SGCZ: variants seen among roughly 807,000 people sequenced by gnomAD.
SGCZ encodes sarcoglycan zeta.
Under a neutral mutation model 41.3 loss-of-function variants are expected in SGCZ, and 40 were observed. The ratio of observed to expected loss-of-function variants is 0.97; its 90% CI spans 0.75 to 1.26. The LOEUF (loss-of-function observed/expected upper bound fraction) is 1.26. Ranked by LOEUF, SGCZ falls within the 50% of genes most tolerant of loss-of-function variation. The pLI is 0.00. For synonymous variants in SGCZ, 206 were observed against 137.5 expected (o/e 1.50, Z -3.49); for missense variants, 552 against 369.8 (o/e 1.49, Z -4.04).
chr8:14,500,512 T>A (rs1802120316), intron 2 of SGCZ, among the ~76,000 whole-genome samples: 1 of 151,924 alleles, frequency 6.6e-6, no homozygotes, highest in African/African-American at 2.4e-5. Flanking sequence ...GTAGACAAAA[T>A]GGTTCTGCAA....
chr8:14,275,141 A>G (rs1327338940), intron 3 of SGCZ, among the ~76,000 whole-genome samples: 1 of 152,170 alleles, frequency 6.6e-6, no homozygotes, highest in Non-Finnish European at 1.5e-5. Flanking sequence ...CAGAGCCGAA[A>G]GCCAGGTCTC....
At chr8:15,047,546 A>T (rs958855361) in intron 1 of SGCZ, among the ~76,000 whole-genome samples, 3 of 152,044 alleles carry the variant, frequency 2.0e-5, no homozygotes, top group African/African-American at 7.2e-5. Flanking sequence ...CTACTACAAC[A>T]TAATACAAAA....
At chr8:14,111,353 T>A (rs1371978268) in intron 5 of SGCZ, among the ~76,000 whole-genome samples, 1 of 152,122 alleles carries the variant, frequency 6.6e-6, no homozygotes, top group Non-Finnish European at 1.5e-5. Flanking sequence ...ATTTGTTTGG[T>A]ACATAAGGAC....
chr8:15,133,124 C>G (rs1424598904), intron 1 of SGCZ, among the ~76,000 whole-genome samples: 1 of 151,970 alleles, frequency 6.6e-6, no homozygotes, highest in Non-Finnish European at 1.5e-5. Flanking sequence ...GCCTCAGAGA[C>G]AGAGTGATAC....
chr8:14,892,924 C>A (rs1805066780), intron 1 of SGCZ, among the ~76,000 whole-genome samples: 1 of 152,124 alleles, frequency 6.6e-6, no homozygotes, highest in Non-Finnish European at 1.5e-5. Flanking sequence ...GAAGTTTGCA[C>A]ACCAGAAACA....
intron 1 of SGCZ, among the ~76,000 whole-genome samples, chr8:15,111,437 A>G (rs747124403): frequency 1.3e-5 from 2 of 152,074 alleles, no homozygotes; most frequent in Non-Finnish European, 2.9e-5. Context: ...TTGGCCAAGG[A>G]CCAATTCACT....
intron 1 of SGCZ, among the ~76,000 whole-genome samples, chr8:14,702,992 GATTT>G (rs1368764245): frequency 7.2e-5 from 11 of 151,734 alleles, no homozygotes; most frequent in African/African-American, 2.7e-4. Context: ...CAGACAGATA[GATTT>G]ATTTGAACAA....
intron 1 of SGCZ, among the ~76,000 whole-genome samples, chr8:14,915,886 T>C (rs923444282): frequency 2.6e-5 from 4 of 152,188 alleles, no homozygotes; most frequent in Non-Finnish European, 4.4e-5. Flanking sequence ...TGACAGACAA[T>C]GAAACCCAGG....
chr8:14,428,486 T>C (rs576586135), intron 2 of SGCZ, among the ~76,000 whole-genome samples: 14 of 152,298 alleles, frequency 9.2e-5, no homozygotes, highest in African/African-American at 2.2e-4. Context: ...TATTTTTAAA[T>C]GTGAAAAGAA....
At chr8:15,208,974 G>T (rs1257245954) in intron 1 of SGCZ, among the ~76,000 whole-genome samples, 2 of 151,710 alleles carry the variant, frequency 1.3e-5, no homozygotes, top group African/African-American at 4.8e-5. Flanking sequence ...ATAAATTACT[G>T]CATTTGTTAT....
intron 1 of SGCZ, among the ~76,000 whole-genome samples, chr8:14,938,525 A>G (rs1177439587): frequency 1.3e-5 from 2 of 152,184 alleles, no homozygotes; most frequent in African/African-American, 2.4e-5. Flanking sequence ...TTACTTTATT[A>G]TAAGAACACA....
chr8:15,208,506 A>G (rs1418777805), intron 1 of SGCZ, among the ~76,000 whole-genome samples: 1 of 152,214 alleles, frequency 6.6e-6, no homozygotes. Context: ...CAAACACAGT[A>G]TTACAAAAAT....
At chr8:14,306,241 AT>A (rs1398863514) in intron 3 of SGCZ, among the ~76,000 whole-genome samples, 12 of 152,204 alleles carry the variant, frequency 7.9e-5, no homozygotes, top group African/African-American at 2.9e-4. Flanking sequence ...TTAAAGCAAA[AT>A]ATTAAATTCA....
At chr8:14,291,789 T>C (rs1585327019) in intron 3 of SGCZ, among the ~76,000 whole-genome samples, 1 of 152,134 alleles carries the variant, frequency 6.6e-6, no homozygotes, top group African/African-American at 2.4e-5. Flanking sequence ...TAAAGAAAAC[T>C]TGGGTACAGG....
At chr8:15,094,343 C>T (rs1806257886) in intron 1 of SGCZ, among the ~76,000 whole-genome samples, 1 of 152,054 alleles carries the variant, frequency 6.6e-6, no homozygotes, top group Non-Finnish European at 1.5e-5. Context: ...CCATGTTGGC[C>T]AGGCTGATCT....
At chr8:14,138,917 C>T (rs1319516520) in intron 5 of SGCZ, among the ~76,000 whole-genome samples, 1 of 152,250 alleles carries the variant, frequency 6.6e-6, no homozygotes, top group African/African-American at 2.4e-5. Context: ...CGCACTTATT[C>T]CAAAACTGAC....
chr8:14,613,568 T>C (rs906233161), intron 1 of SGCZ, among the ~76,000 whole-genome samples: 1 of 152,186 alleles, frequency 6.6e-6, no homozygotes, highest in African/African-American at 2.4e-5. Flanking sequence ...AAATTCTTTC[T>C]TCCTATGCTC....
At chr8:14,738,697 G>C (rs944044702) in intron 1 of SGCZ, among the ~76,000 whole-genome samples, 2 of 152,052 alleles carry the variant, frequency 1.3e-5, no homozygotes, top group South Asian at 2.1e-4. Flanking sequence ...TCCTTCAGAG[G>C]AGTCATGGTA....
chr8:14,257,397 A>T (rs1230649825), intron 3 of SGCZ, among the ~76,000 whole-genome samples: 1 of 151,940 alleles, frequency 6.6e-6, no homozygotes, highest in Non-Finnish European at 1.5e-5. Flanking sequence ...AACAAAACCT[A>T]AACAGGTTTC....
Sources: allele counts gnomAD v4.1 joint callset (sites outside exome capture counted in the v4.1 genomes callset), GRCh38; gene constraint gnomAD v4.1.1; transcripts MANE v1.5; gene names NCBI Gene and HGNC (gene_info 2026-07-23, HGNC 2026-07-21).